The following IL1RAPL1 variants were observed in gnomAD, a reference collection of about 807,000 sequenced individuals.
The protein encoded by IL1RAPL1 is interleukin-1 receptor accessory protein-like 1.
In IL1RAPL1, 3 loss-of-function variants were observed where a neutral mutation model predicts 48.4. The ratio of observed to expected loss-of-function variants is 0.06; its 90% CI spans 0.03 to 0.16. The LOEUF (loss-of-function observed/expected upper bound fraction) is 0.16. Among genes scored for constraint, IL1RAPL1 ranks in the 10% least tolerant of loss-of-function variants. The probability of loss-of-function intolerance (pLI) is 1.00; values close to 1 mark genes in which losing one functional copy is unlikely to be tolerated. For missense variants in IL1RAPL1, 349 were observed against 530.6 expected, an observed-to-expected ratio of 0.66 and a Z score of 3.36; for synonymous variants, 185 against 187.7, an observed-to-expected ratio of 0.99 and a Z score of 0.12.
At chrX:28,656,366 T>A (rs1934747279) in intron 1 of IL1RAPL1, among the ~76,000 whole-genome samples, 1 of 111,499 alleles carries the variant, frequency 9.0e-6, no homozygotes. Flanking sequence ...GAAATTGCAT[T>A]TCAGTTCTGA....
At chrX:29,238,315 G>A (rs1931347046) in intron 2 of IL1RAPL1, among the ~76,000 whole-genome samples, 1 of 112,193 alleles carries the variant, frequency 8.9e-6, no homozygotes, top group African/African-American at 3.2e-5. Context: ...TGCAGTGAAT[G>A]TTTAAGAAAT....
chrX:29,689,568 A>T (rs1926721865), intron 6 of IL1RAPL1, among the ~76,000 whole-genome samples: 1 of 112,121 alleles, frequency 8.9e-6, no homozygotes, highest in South Asian at 3.7e-4. Context: ...AGCAAGGCCT[A>T]ATGGTGAAAA....
At chrX:29,189,514 C>A (rs1157685177) in intron 2 of IL1RAPL1, among the ~76,000 whole-genome samples, 1 of 110,941 alleles carries the variant, frequency 9.0e-6, no homozygotes, top group African/African-American at 3.3e-5. Context: ...TATATAAGTT[C>A]TCAGAAGAAT....
intron 3 of IL1RAPL1, among the ~76,000 whole-genome samples, chrX:29,373,608 G>C (rs749472293): frequency 9.1e-6 from 1 of 110,414 alleles, no homozygotes; most frequent in Non-Finnish European, 1.9e-5. Flanking sequence ...TTAGTTCTTT[G>C]ATGTTGTTGT....
chrX:28,621,779 T>C (rs1934287271), intron 1 of IL1RAPL1, among the ~76,000 whole-genome samples: 1 of 111,796 alleles, frequency 8.9e-6, no homozygotes, highest in South Asian at 3.7e-4. Flanking sequence ...TGTCCATTAT[T>C]TATTTATTTT....
At chrX:28,938,082 G>A (rs1030871917) in intron 2 of IL1RAPL1, among the ~76,000 whole-genome samples, 1 of 111,389 alleles carries the variant, frequency 9.0e-6, no homozygotes, top group East Asian at 2.8e-4. Context: ...TATTAAAATG[G>A]CAATACTATC....
intron 2 of IL1RAPL1, among the ~76,000 whole-genome samples, chrX:28,975,738 ATATCT>A (rs1322869177): frequency 2.6e-4 from 29 of 112,255 alleles, no homozygotes; most frequent in Non-Finnish European, 3.8e-5. Context: ...AATATATGAA[ATATCT>A]TACATGGTGA....
chrX:29,678,536 G>C (rs929857810), intron 6 of IL1RAPL1, among the ~76,000 whole-genome samples: 13 of 105,436 alleles, frequency 1.2e-4, no homozygotes, highest in Non-Finnish European at 1.9e-5. Flanking sequence ...GTGTGTGTGT[G>C]TGTGTGTGTT....
At chrX:29,111,285 A>G (rs1369446587) in intron 2 of IL1RAPL1, among the ~76,000 whole-genome samples, 1 of 111,967 alleles carries the variant, frequency 8.9e-6, no homozygotes, top group Non-Finnish European at 1.9e-5. Flanking sequence ...CACTAAATAC[A>G]TACGTGTTCC....
chrX:29,596,541 C>T (rs58883895), intron 5 of IL1RAPL1, among the ~76,000 whole-genome samples: 40,894 of 110,413 alleles, frequency 0.37, 5,681 homozygotes, highest in South Asian at 0.55. Flanking sequence ...TGGTCACTGT[C>T]GGTGTATATA....
At chrX:29,858,490 A>G (rs1931518653) in intron 6 of IL1RAPL1, among the ~76,000 whole-genome samples, 1 of 111,222 alleles carries the variant, frequency 9.0e-6, no homozygotes, top group East Asian at 2.8e-4. Context: ...GCCATTTTTT[A>G]TGGTTCATTG....
At chrX:29,903,646 G>A (rs1371557829) in intron 6 of IL1RAPL1, among the ~76,000 whole-genome samples, 1 of 111,919 alleles carries the variant, frequency 8.9e-6, no homozygotes, top group East Asian at 2.8e-4. Flanking sequence ...GCTCCACTTA[G>A]CTGATTGGAA....
chrX:29,446,274 G>A (rs1399873613), intron 5 of IL1RAPL1, among the ~76,000 whole-genome samples: 1 of 111,670 alleles, frequency 9.0e-6, no homozygotes, highest in Non-Finnish European at 1.9e-5. Context: ...AGCCTCCCCG[G>A]TGAGTAGGAA....
chrX:29,405,318 C>CATG (rs1386079207), intron 5 of IL1RAPL1, among the ~76,000 whole-genome samples: 2 of 108,823 alleles, frequency 1.8e-5, no homozygotes, highest in African/African-American at 3.5e-5. Flanking sequence ...CACTCTGATA[C>CATG]TTATCTCTGT....
At chrX:29,027,948 GTA>G (rs1189441628) in intron 2 of IL1RAPL1, among the ~76,000 whole-genome samples, 1 of 108,790 alleles carries the variant, frequency 9.2e-6, no homozygotes, top group African/African-American at 3.4e-5. Context: ...GTGTGTGTGT[GTA>G]TATTATATAT....
Position 28,737,155 on chromosome X carries a change from TTCC to T in IL1RAPL1, c.-24-52163_-24-52161del, listed in dbSNP as rs1569161787. Among the ~76,000 whole-genome samples the T allele has an allele frequency of 1.3e-3, 45 of 35,812 alleles. No homozygotes were observed. The East Asian group carries it at 0.017, about 13-fold the overall frequency. The allele number at this position is 35,812 out of a possible 115,157, so 31.1% of individuals were successfully genotyped here. A position where few individuals can be genotyped will look rare whatever the true frequency, so the allele number is the denominator to read the frequency against. ...CTTCCTTCCTTCCTTCCTTCCTTCC[TTCC>T]TTCCTTCCTTCCTTCCTTCCTTTCT... On this transcript the variant is annotated intron_variant, in intron 1 of 10. Transcript: ENST00000378993.
intron 2 of IL1RAPL1, among the ~76,000 whole-genome samples, chrX:29,013,355 G>C (rs1204956965): frequency 9.0e-6 from 1 of 111,695 alleles, no homozygotes; most frequent in Non-Finnish European, 1.9e-5. Flanking sequence ...CCAAGCAATT[G>C]CATTACTGGG....
chrX:29,395,596 G>A (rs1217428652), intron 3 of IL1RAPL1, among the ~76,000 whole-genome samples: 1 of 111,861 alleles, frequency 8.9e-6, no homozygotes, highest in African/African-American at 3.2e-5. Context: ...TCAGGATGGG[G>A]TTGTTCTTAT....
At chrX:29,260,972 A>G (rs1931848025) in intron 2 of IL1RAPL1, among the ~76,000 whole-genome samples, 1 of 107,965 alleles carries the variant, frequency 9.3e-6, no homozygotes, top group South Asian at 3.8e-4. Context: ...TAAAATGTAT[A>G]GACAGTAAAA....
Sources: allele counts gnomAD v4.1 joint callset (sites outside exome capture counted in the v4.1 genomes callset), GRCh38; gene constraint gnomAD v4.1.1; transcripts MANE v1.5; gene names NCBI Gene and HGNC (gene_info 2026-07-23, HGNC 2026-07-21).